RIPOR3: variants seen among roughly 807,000 people sequenced by gnomAD.
RIPOR3 encodes the protein RIPOR family member 3, also known as family with sequence similarity 65 member C.
RIPOR3 carries 95 observed loss-of-function variants against 114.3 expected under a neutral mutation model. The observed-to-expected ratio is 0.83, with a 90% CI of 0.70 to 0.99. RIPOR3 has a LOEUF of 0.99. Among genes scored for constraint, RIPOR3 ranks in the 50% least tolerant of loss-of-function variants. RIPOR3 has a pLI of 0.00. For missense variants in RIPOR3, 1,252 were observed against 1,266.9 expected (o/e 0.99, Z 0.18); for synonymous variants, 575 against 543.8 (o/e 1.06, Z -0.80).
At chr20:50,587,398 C>G (rs1274257968) in intron 21 of RIPOR3, 66 bp from the exon 22 acceptor site, 1 of 1,393,558 alleles carries the variant, frequency 7.2e-7, no homozygotes, top group Non-Finnish European at 1.0e-6. Flanking sequence ...TCTCCTGGGC[C>G]AGGGTGGCCC....
chr20:50,609,438 G>C, intron 7 of RIPOR3, 82 bp from the exon 8 acceptor site: 3 of 1,547,070 alleles, frequency 1.9e-6, no homozygotes, highest in Non-Finnish European at 2.6e-6. Context: ...GCCAGACAGA[G>C]GCCACAGGCA....
chr20:50,658,172 T>C (rs911499960), intron 1 of RIPOR3, among the ~76,000 whole-genome samples: 1 of 152,180 alleles, frequency 6.6e-6, no homozygotes, highest in African/African-American at 2.4e-5. Flanking sequence ...TTATTCATCA[T>C]AGCAAAAAGG....
Position 50,608,372 on chromosome 20 carries a change from G to C in RIPOR3, c.956+17C>G. 1 of 1,613,666 alleles carries C rather than the reference G, an allele frequency of 6.2e-7. No homozygotes were observed. The highest frequency in any genetic ancestry group is 8.5e-7 in the Non-Finnish European group (1 of 1,179,852). ...GCCAGCCAGGCCTCCGCTCTCCCCA[G>C]GCTGGACGGGACTCACTTCCACTGC... is the stretch of plus-strand genomic sequence containing the variant. On this transcript the variant is annotated intron_variant, in intron 11 of 21. Transcript: ENST00000327979.
chr20:50,629,313 T>A (rs1479215994), intron 2 of RIPOR3, among the ~76,000 whole-genome samples: 1 of 152,176 alleles, frequency 6.6e-6, no homozygotes, highest in Non-Finnish European at 1.5e-5. Flanking sequence ...CCCCGACCTG[T>A]CCACCCCGTT....
At chr20:50,626,017 TC>T (rs1358301612) in intron 2 of RIPOR3, among the ~76,000 whole-genome samples, 4 of 152,214 alleles carry the variant, frequency 2.6e-5, no homozygotes, top group African/African-American at 9.6e-5. Flanking sequence ...AGAAGGGGCA[TC>T]AGCCCACCCT....
chr20:50,666,227 T>TTTTCTTTTCTTTTCTTTTCTTTTCTTTTC (rs1355256257), intron 1 of RIPOR3, among the ~76,000 whole-genome samples: 2 of 14,510 alleles, frequency 1.4e-4, no homozygotes, highest in Non-Finnish European at 5.9e-4. Context: ...CTTTTCTTTT[T>TTTTCTTTTCTTTTCTTTTCTTTTCTTTTC]TGAGACGGAG....
At chr20:50,670,848 G>A (rs2086452805) in intron 1 of RIPOR3, among the ~76,000 whole-genome samples, 1 of 152,172 alleles carries the variant, frequency 6.6e-6, no homozygotes, top group African/African-American at 2.4e-5. Context: ...ACCTTGGCTT[G>A]GCCAAGGCAG....
intron 1 of RIPOR3, among the ~76,000 whole-genome samples, chr20:50,657,748 C>CTTTTTTTT (rs1272938455): frequency 9.2e-6 from 1 of 109,052 alleles, no homozygotes; most frequent in African/African-American, 3.5e-5. Context: ...ATGTCTTTTA[C>CTTTTTTTT]TTTTTTTTTT....
intron 4 of RIPOR3, among the ~76,000 whole-genome samples, chr20:50,613,320 G>A (rs1292262335): frequency 6.6e-6 from 1 of 151,922 alleles, no homozygotes; most frequent in Admixed American, 6.6e-5. Flanking sequence ...TGGCATGATT[G>A]TGCGCGCCTG....
chr20:50,683,906 C>A (rs558057446), intron 1 of RIPOR3, among the ~76,000 whole-genome samples: 49 of 152,024 alleles, frequency 3.2e-4, no homozygotes, highest in Admixed American at 7.9e-4. Flanking sequence ...CATAGCAAAA[C>A]CCTGTCTCTA....
chr20:50,661,098 C>G (rs1005786097), intron 1 of RIPOR3, among the ~76,000 whole-genome samples: 1 of 151,902 alleles, frequency 6.6e-6, no homozygotes, highest in Non-Finnish European at 1.5e-5. Context: ...ATTAGCTGGG[C>G]GTGGTGGCAC....
At chr20:50,589,388 A>G (rs1002137925) in intron 20 of RIPOR3, among the ~76,000 whole-genome samples, 30 of 151,068 alleles carry the variant, frequency 2.0e-4, no homozygotes, top group Non-Finnish European at 3.5e-4. Context: ...GCTCACTGCA[A>G]CCTCCACCTC....
At chr20:50,650,551 AC>A (rs1357627822) in intron 1 of RIPOR3, among the ~76,000 whole-genome samples, 1 of 152,110 alleles carries the variant, frequency 6.6e-6, no homozygotes, top group African/African-American at 2.4e-5. Context: ...TGATTTGCCC[AC>A]GTTGGCCTCC....
chr20:50,632,517 G>A (rs1281321523), intron 1 of RIPOR3, among the ~76,000 whole-genome samples: 2 of 152,206 alleles, frequency 1.3e-5, no homozygotes, highest in African/African-American at 2.4e-5. Flanking sequence ...GATGGAGGAA[G>A]GTGGCAAGCA....
chr20:50,616,934 T>A lies in RIPOR3; in HGVS notation c.270-854A>T, dbSNP rs181451751. Among the ~76,000 whole-genome samples the A allele has an allele frequency of 2.6e-3, 400 of 152,160 alleles. 2 individuals are homozygous for A. Among genetic ancestry groups the A allele is most frequent in the African/African-American group, 9.0e-3 (375 of 41,514 alleles). On this transcript the variant is annotated intron_variant, in intron 3 of 21. Transcript: ENST00000327979. ...GAGGTGGGCGGATCACAAGGTCAGG[T>A]AATCGAGACCATCCTGGCTAACACA...
intron 1 of RIPOR3, among the ~76,000 whole-genome samples, chr20:50,662,898 C>T (rs1321989349): frequency 6.6e-6 from 1 of 152,126 alleles, no homozygotes; most frequent in Non-Finnish European, 1.5e-5. Flanking sequence ...AGTTCGAGAC[C>T]AGCCTGGCCA....
chr20:50,625,071 T>TTG (rs35385203), intron 2 of RIPOR3, among the ~76,000 whole-genome samples: 7 of 81,294 alleles, frequency 8.6e-5, no homozygotes, highest in African/African-American at 2.8e-4. Flanking sequence ...AGTGCTTTTG[T>TTG]TTTTTTTTTT....
chr20:50,637,891 A>C (rs1057103917), intron 1 of RIPOR3, among the ~76,000 whole-genome samples: 3 of 151,978 alleles, frequency 2.0e-5, no homozygotes, highest in Non-Finnish European at 4.4e-5. Flanking sequence ...AAATTTTTTT[A>C]AATAAATAAA....
chr20:50,643,676 G>A (rs938025820), intron 1 of RIPOR3, among the ~76,000 whole-genome samples: 11 of 151,488 alleles, frequency 7.3e-5, no homozygotes, highest in Non-Finnish European at 1.6e-4. Flanking sequence ...TGTAGTCCCA[G>A]CTAAGGCAGG....
Sources: gnomAD v4.1 joint callset for allele counts (sites outside exome capture counted in the v4.1 genomes callset) on GRCh38, gnomAD v4.1.1 for gene constraint, MANE v1.5 for transcripts, NCBI Gene and HGNC (gene_info 2026-07-23, HGNC 2026-07-21) for gene names.